The following HIVEP1 variants were observed in gnomAD, a reference collection of about 807,000 sequenced individuals.
HIVEP1 encodes the protein zinc finger protein 40.
HIVEP1 carries 36 observed loss-of-function variants against 180.0 expected under a neutral mutation model. The observed-to-expected ratio is 0.20, with a 90% CI of 0.15 to 0.26. The LOEUF is 0.26. HIVEP1 is among the 10% of genes least tolerant of loss of function. The probability of loss-of-function intolerance (pLI) is 1.00; values close to 1 mark genes in which losing one functional copy is unlikely to be tolerated. For missense variants in HIVEP1, 3,143 were observed against 3,268.7 expected, an observed-to-expected ratio of 0.96 and a Z score of 0.94; for synonymous variants, 1,239 against 1,239.0, an observed-to-expected ratio of 1.00 and a Z score of 0.00.
downstream of HIVEP1, chr6:12,165,066 C>A: frequency 2.0e-6 from 1 of 489,120 alleles, no homozygotes. Context: ...GAAAATAGCC[C>A]TGGGTTCCAT....
At chr6:12,088,974 TGGAAA>T (rs2113327811) in intron 2 of HIVEP1, among the ~76,000 whole-genome samples, 1 of 152,236 alleles carries the variant, frequency 6.6e-6, no homozygotes, top group Admixed American at 6.5e-5. Flanking sequence ...ATTTATTAAT[TGGAAA>T]TAGTCCTTGT....
At chr6:12,076,278 G>T (rs1484667280) in intron 2 of HIVEP1, among the ~76,000 whole-genome samples, 2 of 152,034 alleles carry the variant, frequency 1.3e-5, no homozygotes, top group Non-Finnish European at 2.9e-5. Context: ...ACTTGTATGG[G>T]TTACTAATTA....
Position 12,125,045 on chromosome 6 carries a change from A to G in HIVEP1, c.5250A>G (p.Pro1750=). ...CTTCGAGTAAAAGGATGCTTTCCCC[A>G]GCAAATAGTTTAGACATTGCCATGG... is the stretch of plus-strand genomic sequence containing the variant. The part of the protein sequence containing the change: ...SSASSKRMLS[P]ANSLDIAMEK... The change falls in exon 4 of 9, where the codon CCA becomes CCG. Residue 1750 remains proline (P), a synonymous_variant. Transcript: ENST00000379388. The G allele has an allele frequency of 1.9e-6, 3 of 1,614,186 alleles. No homozygotes were observed. Among genetic ancestry groups the G allele is most frequent in the South Asian group, 1.1e-5 (1 of 91,084 alleles).
the HIVEP1 span, among the ~76,000 whole-genome samples, chr6:12,171,797 A>C: frequency 2.0e-5 from 3 of 152,230 alleles, no homozygotes; most frequent in Non-Finnish European, 4.4e-5. Context: ...CATAATAATC[A>C]GACATAAATA....
chr6:12,089,155 AT>A lies in HIVEP1; in HGVS notation c.41-26del, dbSNP rs779196618. On this transcript the variant is annotated intron_variant, in intron 2 of 8. Coordinates refer to ENST00000379388, the MANE Select transcript of HIVEP1 (RefSeq NM_002114.4). ...ACTCTTATTTGTTTAAGGTAAATTA[AT>A]TTATAAATTTTTCTCTGTTTTTCTT... 3.9e-6 allele frequency: 5 copies of A among 1,266,454 alleles called. No individual in the cohort carries two copies. The South Asian group carries it at 6.2e-5, about 16-fold the overall frequency. The allele number at this position is 1,266,454 out of a possible 1,614,324, so 78.5% of individuals were successfully genotyped here. A position where few individuals can be genotyped will look rare whatever the true frequency, so the allele number is the denominator to read the frequency against.
downstream of HIVEP1, among the ~76,000 whole-genome samples, chr6:12,167,077 T>C: frequency 6.6e-6 from 1 of 152,040 alleles, no homozygotes; most frequent in East Asian, 1.9e-4. Context: ...GAAATGATAA[T>C]TAACCGATGG....
rs963158691 is a variant in HIVEP1, at chr6:12,088,445, A to G, written c.41-739A>G. ...TCATGAAGTATGTATATCCTTATAA[A>G]GTTTAAATTAATTATTATTGAAATA... On this transcript the variant is annotated intron_variant, in intron 2 of 8. Transcript: ENST00000379388. Among the ~76,000 whole-genome samples, 4 of 152,114 alleles carry G rather than the reference A, an allele frequency of 2.6e-5. No homozygotes were observed. The East Asian group carries it at 7.7e-4, about 29-fold the overall frequency.
chr6:12,114,150 G>A (rs538525392), intron 3 of HIVEP1, among the ~76,000 whole-genome samples: 41 of 152,162 alleles, frequency 2.7e-4, no homozygotes, highest in African/African-American at 8.4e-4. Flanking sequence ...CCAGGAGAGC[G>A]CCTGTATTTG....
At chr6:12,016,945 CT>C (rs759420729) in intron 2 of HIVEP1, among the ~76,000 whole-genome samples, 96 of 152,300 alleles carry the variant, frequency 6.3e-4, no homozygotes, top group Non-Finnish European at 1.1e-3. Context: ...GCACCCTGTT[CT>C]AGTTTGCACA....
intron 3 of HIVEP1, among the ~76,000 whole-genome samples, chr6:12,113,253 C>A (rs1034037241): frequency 6.6e-6 from 1 of 150,514 alleles, no homozygotes; most frequent in African/African-American, 2.5e-5. Flanking sequence ...ACAGGGACAC[C>A]GACCTTAGGT....
At chr6:12,067,621 G>C (rs1411548904) in intron 2 of HIVEP1, among the ~76,000 whole-genome samples, 1 of 152,114 alleles carries the variant, frequency 6.6e-6, no homozygotes, top group Admixed American at 6.6e-5. Context: ...CCAAGCTGGA[G>C]ATTATTGGGT....
At chr6:12,181,084 G>A in the HIVEP1 span, among the ~76,000 whole-genome samples, 871 of 152,268 alleles carry the variant, frequency 5.7e-3, 5 homozygotes, top group African/African-American at 0.02. Flanking sequence ...TTTAGAGCCA[G>A]GCACTGTGGC....
chr6:12,081,582 C>T (rs974160832), intron 2 of HIVEP1, among the ~76,000 whole-genome samples: 1 of 152,110 alleles, frequency 6.6e-6, no homozygotes, highest in Non-Finnish European at 1.5e-5. Flanking sequence ...AATGCTCGGC[C>T]TGGACTCTTG....
intron 2 of HIVEP1, among the ~76,000 whole-genome samples, chr6:12,034,114 C>G (rs749591026): frequency 1.6e-4 from 25 of 152,194 alleles, no homozygotes; most frequent in Non-Finnish European, 1.9e-4. Flanking sequence ...AGCAGAATTG[C>G]TGTAGTTAAA....
chr6:12,202,878 C>T, the HIVEP1 span, among the ~76,000 whole-genome samples: 1 of 152,166 alleles, frequency 6.6e-6, no homozygotes, highest in Non-Finnish European at 1.5e-5. Context: ...TCAGAATTCC[C>T]TCTTCTTTCA....
intron 2 of HIVEP1, among the ~76,000 whole-genome samples, chr6:12,036,694 A>T (rs1769295682): frequency 6.6e-6 from 1 of 152,342 alleles, no homozygotes; most frequent in Non-Finnish European, 1.5e-5. Flanking sequence ...ACCTGAGGTC[A>T]GGAGTTCGAG....
chr6:12,192,715 TC>T, the HIVEP1 span, among the ~76,000 whole-genome samples: 1 of 152,162 alleles, frequency 6.6e-6, no homozygotes, highest in Non-Finnish European at 1.5e-5. Flanking sequence ...CAGCCATGCT[TC>T]CAGTACAATC....
chr6:12,047,763 C>T (rs555136816), intron 2 of HIVEP1, among the ~76,000 whole-genome samples: 12 of 152,272 alleles, frequency 7.9e-5, no homozygotes, highest in African/African-American at 2.9e-4. Flanking sequence ...GCACCTTTTT[C>T]CTGTGGATGC....
chr6:12,023,666 C>T (rs1768398726), intron 2 of HIVEP1, among the ~76,000 whole-genome samples: 1 of 147,946 alleles, frequency 6.8e-6, no homozygotes, highest in South Asian at 2.2e-4. Flanking sequence ...TTTTTTTTTG[C>T]AGATAATTAT....
Sources: allele counts gnomAD v4.1 joint callset (sites outside exome capture counted in the v4.1 genomes callset), GRCh38; gene constraint gnomAD v4.1.1; transcripts MANE v1.5; gene names NCBI Gene and HGNC (gene_info 2026-07-23, HGNC 2026-07-21).